The following AGBL4 variants were observed in gnomAD, a reference collection of about 807,000 sequenced individuals.
AGBL4 encodes the protein cytosolic carboxypeptidase 6.
Under a neutral mutation model 66.4 loss-of-function variants are expected in AGBL4, and 58 were observed. That is an observed-to-expected ratio of 0.87 (90% CI 0.71 to 1.09). The LOEUF (loss-of-function observed/expected upper bound fraction) is 1.09. Ranked by LOEUF, AGBL4 falls within the 50% of genes least tolerant of loss-of-function variation. The pLI, the probability that AGBL4 is intolerant of heterozygous loss-of-function variation, is 0.00. For synonymous variants in AGBL4, 234 were observed against 222.9 expected, an observed-to-expected ratio of 1.05 and a Z score of -0.44; for missense variants, 579 against 631.0, an observed-to-expected ratio of 0.92 and a Z score of 0.88.
At chr1:49,324,552 G>T (rs1172178074) in intron 3 of AGBL4, among the ~76,000 whole-genome samples, 1 of 152,228 alleles carries the variant, frequency 6.6e-6, no homozygotes, top group African/African-American at 2.4e-5. Flanking sequence ...AAATGTCTGT[G>T]TTTACAGGGC....
At chr1:49,110,901 C>A (rs1009864826) in intron 4 of AGBL4, among the ~76,000 whole-genome samples, 3 of 152,108 alleles carry the variant, frequency 2.0e-5, no homozygotes, top group African/African-American at 7.2e-5. Flanking sequence ...TCTCTTCTGT[C>A]CAACCTCAAA....
intron 5 of AGBL4, among the ~76,000 whole-genome samples, chr1:48,898,514 T>C (rs531201355): frequency 1.9e-4 from 29 of 152,274 alleles, no homozygotes; most frequent in South Asian, 1.7e-3. Context: ...TTCATTCTTC[T>C]GCATATAGTT....
chr1:49,200,343 C>T (rs944096494), intron 4 of AGBL4, among the ~76,000 whole-genome samples: 1 of 152,194 alleles, frequency 6.6e-6, no homozygotes, highest in African/African-American at 2.4e-5. Context: ...ATGCTTTTGA[C>T]AACAGCTGTC....
intron 3 of AGBL4, among the ~76,000 whole-genome samples, chr1:49,490,104 C>A (rs548794298): frequency 6.6e-6 from 1 of 151,730 alleles, no homozygotes; most frequent in Non-Finnish European, 1.5e-5. Context: ...GGCATCTTTG[C>A]CTCTTCTTTT....
At chr1:49,756,292 TA>T (rs1259629951) in intron 2 of AGBL4, among the ~76,000 whole-genome samples, 1 of 149,766 alleles carries the variant, frequency 6.7e-6, no homozygotes, top group African/African-American at 2.5e-5. Context: ...AACCAAAAGT[TA>T]AAAGAGAAAA....
intron 1 of AGBL4, among the ~76,000 whole-genome samples, chr1:49,970,704 A>G (rs1657987631): frequency 8.2e-6 from 1 of 121,784 alleles, no homozygotes; most frequent in Admixed American, 9.0e-5. Context: ...TCAAAAAAAA[A>G]CAAAACACAC....
intron 4 of AGBL4, among the ~76,000 whole-genome samples, chr1:49,242,230 A>G (rs1651290736): frequency 6.6e-6 from 1 of 152,038 alleles, no homozygotes; most frequent in African/African-American, 2.4e-5. Flanking sequence ...AAGATCTAGC[A>G]CAGAGTAGAT....
chr1:48,939,772 T>C (rs1385590555), intron 5 of AGBL4, among the ~76,000 whole-genome samples: 1 of 152,234 alleles, frequency 6.6e-6, no homozygotes, highest in Non-Finnish European at 1.5e-5. Context: ...AAGAGGGCAT[T>C]CTGCTTTGGA....
chr1:49,232,735 A>C (rs1038350772), intron 4 of AGBL4, among the ~76,000 whole-genome samples: 5 of 127,988 alleles, frequency 3.9e-5, no homozygotes, highest in Admixed American at 1.7e-4. Context: ...AGGAAGTCAG[A>C]GTGTACTGCT....
intron 5 of AGBL4, among the ~76,000 whole-genome samples, chr1:49,004,212 A>G (rs907273196): frequency 3.9e-5 from 6 of 152,148 alleles, no homozygotes; most frequent in African/African-American, 1.4e-4. Context: ...AGTTTCTGGG[A>G]TTTTTTCACT....
chr1:49,865,745 G>A (rs1021030983), intron 1 of AGBL4, among the ~76,000 whole-genome samples: 1 of 152,178 alleles, frequency 6.6e-6, no homozygotes, highest in South Asian at 2.1e-4. Flanking sequence ...AGAGAACTGG[G>A]CTGAGGCTGA....
chr1:49,380,604 G>T (rs1049431830), intron 3 of AGBL4, among the ~76,000 whole-genome samples: 1 of 152,054 alleles, frequency 6.6e-6, no homozygotes, highest in African/African-American at 2.4e-5. Context: ...ATACTACAAG[G>T]CTATAGTAAC....
chr1:49,163,288 T>C (rs1646571893), intron 4 of AGBL4, among the ~76,000 whole-genome samples: 1 of 151,976 alleles, frequency 6.6e-6, no homozygotes, highest in African/African-American at 2.4e-5. Context: ...TTCCTCCTTC[T>C]CATCAAGCTT....
chr1:49,807,884 G>T (rs1291860680), intron 2 of AGBL4, among the ~76,000 whole-genome samples: 1 of 152,184 alleles, frequency 6.6e-6, no homozygotes, highest in Admixed American at 6.5e-5. Flanking sequence ...GAGCTGCCTT[G>T]CCCCTTCCAC....
chr1:49,641,493 TCC>T (rs938449183), intron 3 of AGBL4, among the ~76,000 whole-genome samples: 6 of 152,078 alleles, frequency 3.9e-5, no homozygotes, highest in African/African-American at 1.4e-4. Context: ...CCACAATGTT[TCC>T]CATAGATGAA....
At chr1:48,647,124 G>C (rs1052187140) in intron 8 of AGBL4, among the ~76,000 whole-genome samples, 1 of 152,192 alleles carries the variant, frequency 6.6e-6, no homozygotes, top group Admixed American at 6.5e-5. Context: ...GGATTGCCAA[G>C]GCCAAGAGAC....
intron 3 of AGBL4, among the ~76,000 whole-genome samples, chr1:49,566,771 C>T (rs958383382): frequency 1.5e-5 from 2 of 129,808 alleles, no homozygotes; most frequent in African/African-American, 5.2e-5. Flanking sequence ...GGCAGTCTGC[C>T]CATTCTCAGA....
chr1:48,920,794 G>T (rs1397885189), intron 5 of AGBL4, among the ~76,000 whole-genome samples: 3 of 152,160 alleles, frequency 2.0e-5, no homozygotes, highest in Non-Finnish European at 4.4e-5. Context: ...AGACACTCAG[G>T]CTGGATAGGG....
At chr1:48,597,868 G>GAGAA (rs1177715173) in intron 9 of AGBL4, among the ~76,000 whole-genome samples, 6 of 145,678 alleles carry the variant, frequency 4.1e-5, no homozygotes, top group African/African-American at 1.5e-4. Context: ...GAAAAGAAAG[G>GAGAA]AGAAAGAAAG....
Sources: gnomAD v4.1 joint callset for allele counts (sites outside exome capture counted in the v4.1 genomes callset) on GRCh38, gnomAD v4.1.1 for gene constraint, MANE v1.5 for transcripts, NCBI Gene and HGNC (gene_info 2026-07-23, HGNC 2026-07-21) for gene names.